KIT: variants seen among roughly 807,000 people sequenced by gnomAD.
The protein encoded by KIT is mast/stem cell growth factor receptor Kit.
A neutral mutation model predicts 105.7 loss-of-function variants in KIT; 16 were observed. The observed-to-expected ratio is 0.15, with a 90% CI of 0.10 to 0.23. The LOEUF is 0.23. Among genes scored for constraint, KIT ranks in the 10% least tolerant of loss-of-function variants. KIT has a pLI of 1.00. For missense variants in KIT, 858 were observed against 1,213.8 expected (o/e 0.71, Z 4.36); for synonymous variants, 438 against 441.1 (o/e 0.99, Z 0.09).
rs1448485735 is a variant in KIT at position 54,731,913 on chromosome 4, A to G, written c.2276A>G (p.Asp759Gly). The G allele has an allele frequency of 5.6e-6, 9 of 1,613,584 alleles. No individual in the cohort carries two copies. The highest frequency in any genetic ancestry group is 7.6e-6 in the Non-Finnish European group (9 of 1,179,720). ...ERDVTPAIME[D>G]DELALDLEDL... ...GATGTGACTCCCGCCATCATGGAGG[A>G]TGACGAGTTGGCCCTAGACTTAGAA... Residue 759 changes from aspartate to glycine, a missense_variant, in exon 16 of 21, where the codon GAT (aspartate) becomes GGT (glycine). Transcript: ENST00000288135.
At position 54,733,118 on chromosome 4, in the gene KIT, C is replaced by A. The variant is rs145602440; in HGVS notation, c.2410C>A (p.Arg804=). ...CAGAAATATCCTCCTTACTCATGGT[C>A]GGATCACAAAGATTTGTGATTTTGG... ...AARNILLTHG[R]ITKICDFGLA... The change falls in exon 17 of 21, where the codon CGG becomes AGG. Residue 804 remains arginine, a synonymous_variant. Coordinates refer to ENST00000288135, the MANE Select transcript of KIT (RefSeq NM_000222.3). 6.2e-7 allele frequency: 1 copy of A among 1,610,960 alleles called. No individual in the cohort carries two copies. Among genetic ancestry groups the A allele is most frequent in the South Asian group, 1.1e-5 (1 of 91,002 alleles).
At chr4:54,713,393 A>G (rs578126723) in intron 7 of KIT, among the ~76,000 whole-genome samples, 96 of 152,166 alleles carry the variant, frequency 6.3e-4, no homozygotes, top group Non-Finnish European at 9.3e-4. Context: ...TAATTCTACA[A>G]TTTTAAACTT....
chr4:54,676,133 T>C (rs545474512), intron 1 of KIT, among the ~76,000 whole-genome samples: 3 of 152,346 alleles, frequency 2.0e-5, no homozygotes, highest in Admixed American at 2.0e-4. Context: ...AATTGTTTGC[T>C]GCGCTAATGC....
chr4:54,658,708 G>A (rs1373243371), intron 1 of KIT, among the ~76,000 whole-genome samples: 1 of 152,276 alleles, frequency 6.6e-6, no homozygotes, highest in East Asian at 1.9e-4. Context: ...CCGCCTCCGG[G>A]TTAGGCTTTT....
intron 5 of KIT, among the ~76,000 whole-genome samples, chr4:54,706,057 T>G (rs905622036): frequency 2.0e-5 from 3 of 152,176 alleles, no homozygotes; most frequent in African/African-American, 7.2e-5. Flanking sequence ...ATATCACCTT[T>G]TCTAAGGACT....
intron 1 of KIT, among the ~76,000 whole-genome samples, chr4:54,661,212 TG>T (rs1287083349): frequency 6.6e-6 from 1 of 152,236 alleles, no homozygotes; most frequent in Non-Finnish European, 1.5e-5. Flanking sequence ...CTGATGTCAT[TG>T]GCTATTTACC....
intron 1 of KIT, among the ~76,000 whole-genome samples, chr4:54,681,420 A>G (rs1336603717): frequency 6.6e-6 from 1 of 152,142 alleles, no homozygotes; most frequent in Non-Finnish European, 1.5e-5. Context: ...CAACTCCCCA[A>G]AGACTGACTT....
In KIT at chr4:54,733,181, G is replaced by T. The variant is rs878853765; in HGVS notation, c.2473G>T (p.Val825Phe). 1 of 1,612,624 alleles carries T rather than the reference G, an allele frequency of 6.2e-7. No homozygotes were observed. Among genetic ancestry groups the T allele is most frequent in the African/African-American group, 1.3e-5 (1 of 74,962 alleles). ...CATCAAGAATGATTCTAATTATGTG[G>T]TTAAAGGAAACGTGAGTACCCATTC... is the stretch of plus-strand genomic sequence containing the variant. ...RDIKNDSNYV[V>F]KGNARLPVKW... The change falls in exon 17 of 21, where the codon GTT (valine) becomes TTT (phenylalanine). Residue 825 changes from valine (V) to phenylalanine (F), a missense_variant. Around this residue, in one of 7 missense-constraint regions of KIT, gnomAD observed 63 missense variants for 137.4 expected, o/e 0.46. Transcript: ENST00000288135.
chr4:54,691,900 G>T (rs1023024323), intron 1 of KIT, among the ~76,000 whole-genome samples: 1 of 152,088 alleles, frequency 6.6e-6, no homozygotes, highest in African/African-American at 2.4e-5. Flanking sequence ...CTGCCCGAGA[G>T]GGGGAAGTCA....
chr4:54,683,104 G>C (rs1385047368), intron 1 of KIT, among the ~76,000 whole-genome samples: 1 of 152,070 alleles, frequency 6.6e-6, no homozygotes, highest in Non-Finnish European at 1.5e-5. Context: ...ATACAATGTA[G>C]GATGATTAAA....
intron 4 of KIT, among the ~76,000 whole-genome samples, chr4:54,703,386 A>C (rs895065589): frequency 6.6e-6 from 1 of 152,218 alleles, no homozygotes; most frequent in Non-Finnish European, 1.5e-5. Flanking sequence ...ATGCTGACTC[A>C]TATTACAAAA....
rs143443389 is a variant in KIT at position 54,679,353 on chromosome 4, G to A, written c.68-16159G>A. ...AACTGTTCTGCTGCTGGTAATTGAA[G>A]TCTATCTGCAGAACAGTTATCAAGG... is the stretch of plus-strand genomic sequence containing the variant. On this transcript the variant is annotated intron_variant, in intron 1 of 20. Coordinates refer to ENST00000288135, the MANE Select transcript of KIT (RefSeq NM_000222.3). 8.3e-4 allele frequency among the ~76,000 whole-genome samples: 126 copies of A among 152,290 alleles called. 2 individuals are homozygous for A. The East Asian group carries it at 0.023, about 28-fold the overall frequency.
intron 7 of KIT, among the ~76,000 whole-genome samples, chr4:54,718,042 A>G (rs1256604642): frequency 6.6e-6 from 1 of 152,170 alleles, no homozygotes; most frequent in Non-Finnish European, 1.5e-5. Context: ...TGTTTAGAAC[A>G]GGGGTTGGTA....
In KIT at chr4:54,736,502, G is replaced by A. The variant is rs772311731; in HGVS notation, c.2489G>A (p.Arg830Gln). The change falls in exon 18 of 21, where the codon CGA becomes CAA. Residue 830 changes from arginine to glutamine, a missense_variant. Transcript: ENST00000288135. ...DSNYVVKGNARLPVKWMAPES... is the reference protein window; with the variant it reads ...DSNYVVKGNAQLPVKWMAPES... The stretch of plus-strand genomic sequence containing the variant: ...TCTGTTGTGCTTCTATTACAGGCTC[G>A]ACTACCTGTGAAGTGGATGGCACCT... The A allele has an allele frequency of 8.7e-6, 14 of 1,608,578 alleles. No homozygotes were observed. The highest frequency in any genetic ancestry group is 8.0e-5 in the African/African-American group (6 of 74,766).
Position 54,737,279 on chromosome 4 carries a change from A to G in KIT, c.2801A>G (p.His934Arg), listed in dbSNP as rs762406098. 36 of 1,591,560 alleles carry G rather than the reference A, an allele frequency of 2.3e-5. No individual in the cohort carries two copies. Among genetic ancestry groups the G allele is most frequent in the Non-Finnish European group, 2.9e-5 (34 of 1,159,622 alleles). The change falls in exon 20 of 21, where the codon CAT (histidine) becomes CGT (arginine). Residue 934 changes from histidine to arginine, a missense_variant and splice_region_variant. Transcript: ENST00000288135. ...IEKQISESTN[H>R]IYSNLANCSP... The stretch of plus-strand genomic sequence containing the variant: ...AAGCAGATTTCAGAGAGCACCAATC[A>G]TGTGAGTATACCCTGGCCAGGCATA...
chr4:54,677,015 A>G (rs1393252199), intron 1 of KIT, among the ~76,000 whole-genome samples: 1 of 151,808 alleles, frequency 6.6e-6, no homozygotes, highest in East Asian at 1.9e-4. Flanking sequence ...TAATTACCTA[A>G]TTGTATAATT....
At chr4:54,680,188 A>G (rs1718801025) in intron 1 of KIT, among the ~76,000 whole-genome samples, 1 of 152,158 alleles carries the variant, frequency 6.6e-6, no homozygotes. Flanking sequence ...ATAGTAAAAC[A>G]TTTCTTAAAT....
In KIT at chr4:54,698,010, G is replaced by A. The variant is rs571559500; in HGVS notation, c.338-274G>A. 1.8e-4 allele frequency among the ~76,000 whole-genome samples: 28 copies of A among 152,268 alleles called. No individual in the cohort carries two copies. The East Asian group carries it at 4.8e-3, about 26-fold the overall frequency. On this transcript the variant is annotated intron_variant, in intron 2 of 20. Transcript: ENST00000288135. ...ACACCGCAGTTTCATCTATGAAATG[G>A]CAATAATAATAGTACTGATCATGGG...
At chr4:54,677,123 A>G (rs550353207) in intron 1 of KIT, among the ~76,000 whole-genome samples, 7 of 152,274 alleles carry the variant, frequency 4.6e-5, no homozygotes, top group African/African-American at 1.7e-4. Flanking sequence ...AGCACACAGC[A>G]AGCTTTATTA....
Sources: gnomAD v4.1 joint callset for allele counts (sites outside exome capture counted in the v4.1 genomes callset) on GRCh38, gnomAD v4.1.1 for gene constraint, gnomAD v4.1.1 regional missense constraint, MANE v1.5 for transcripts, NCBI Gene and HGNC (gene_info 2026-07-23, HGNC 2026-07-21) for gene names.